TECRL: variants seen among roughly 807,000 people sequenced by gnomAD.
The protein encoded by TECRL is trans-2,3-enoyl-CoA reductase like.
In TECRL, 63 loss-of-function variants were observed where a neutral mutation model predicts 52.8. The ratio of observed to expected loss-of-function variants is 1.19; its 90% CI spans 0.97 to 1.47. The LOEUF (loss-of-function observed/expected upper bound fraction) is 1.47. Ranked by LOEUF, TECRL falls within the 40% of genes most tolerant of loss-of-function variation. TECRL has a pLI of 0.00. For synonymous variants in TECRL, 164 were observed against 141.9 expected, an observed-to-expected ratio of 1.16 and a Z score of -1.10; for missense variants, 482 against 429.6, an observed-to-expected ratio of 1.12 and a Z score of -1.08.
At chr4:64,388,930 A>G (rs548049215) in intron 1 of TECRL, among the ~76,000 whole-genome samples, 4 of 151,986 alleles carry the variant, frequency 2.6e-5, no homozygotes, top group African/African-American at 9.6e-5. Context: ...TGACTTTCAT[A>G]TATTAACCTT....
At chr4:64,304,321 A>C (rs921054269) in intron 7 of TECRL, among the ~76,000 whole-genome samples, 1 of 152,014 alleles carries the variant, frequency 6.6e-6, no homozygotes, top group Non-Finnish European at 1.5e-5. Flanking sequence ...TAATCATTAA[A>C]ATCAATGACT....
intron 2 of TECRL, among the ~76,000 whole-genome samples, chr4:64,352,719 T>C (rs550734968): frequency 1.1e-4 from 17 of 152,304 alleles, no homozygotes; most frequent in African/African-American, 4.1e-4. Context: ...TATCCAAACA[T>C]TCACACACAC....
chr4:64,300,200 T>A (rs1185009818), intron 7 of TECRL, among the ~76,000 whole-genome samples, 183 bp from the exon 8 acceptor site: 1 of 150,606 alleles, frequency 6.6e-6, no homozygotes, highest in East Asian at 1.9e-4. Context: ...TTTTCACATG[T>A]ACTTTTGTTA....
At chr4:64,293,297 A>T (rs1723495293) in intron 8 of TECRL, among the ~76,000 whole-genome samples, 1 of 152,114 alleles carries the variant, frequency 6.6e-6, no homozygotes, top group Non-Finnish European at 1.5e-5. Flanking sequence ...TGACCTATTA[A>T]TTTTATTTTT....
chr4:64,383,668 TTG>T lies in TECRL; in HGVS notation c.235-8447_235-8446del, dbSNP rs1722971401. ...TGTTTTTCTGATTTATTTGTATTTT[TTG>T]TGCTCTTTTATGTCTCACTAAGCTT... On this transcript the variant is annotated intron_variant, in intron 1 of 11. Transcript: ENST00000381210. Among the ~76,000 whole-genome samples the T allele has an allele frequency of 2.6e-5, 4 of 152,230 alleles. No individual in the cohort carries two copies. The South Asian group carries it at 8.3e-4, about 32-fold the overall frequency.
At chr4:64,392,945 C>T (rs946018885) in intron 1 of TECRL, among the ~76,000 whole-genome samples, 4 of 151,926 alleles carry the variant, frequency 2.6e-5, no homozygotes, top group Non-Finnish European at 2.9e-5. Flanking sequence ...TCCAGCACCA[C>T]CTCATTCCTA....
chr4:64,396,451 G>C (rs887702043), intron 1 of TECRL, among the ~76,000 whole-genome samples: 2 of 151,884 alleles, frequency 1.3e-5, no homozygotes, highest in Non-Finnish European at 2.9e-5. Context: ...TCATATTCTT[G>C]TTGGTTATAT....
chr4:64,401,732 C>T (rs1384717), intron 1 of TECRL, among the ~76,000 whole-genome samples: 142,294 of 152,234 alleles, frequency 0.93, 67,171 homozygotes, highest in East Asian at 1. Flanking sequence ...TCTCTCTTGA[C>T]ATAGTCACCA....
At chr4:64,337,822 AG>A (rs1719223624) in intron 2 of TECRL, among the ~76,000 whole-genome samples, 1 of 152,212 alleles carries the variant, frequency 6.6e-6, no homozygotes, top group Non-Finnish European at 1.5e-5. Context: ...GCTCATGGAT[AG>A]GAAGAATCAA....
chr4:64,316,764 G>T (rs1024413395), intron 4 of TECRL, among the ~76,000 whole-genome samples: 26 of 152,236 alleles, frequency 1.7e-4, no homozygotes, highest in Middle Eastern at 3.4e-3. Context: ...TAAAGAGGCA[G>T]ATACACCTTT....
chr4:64,368,737 T>TA lies in TECRL; in HGVS notation c.286+6434dup, dbSNP rs575746383. 3.1e-3 allele frequency among the ~76,000 whole-genome samples: 466 copies of TA among 152,278 alleles called. 5 individuals are homozygous for TA. The highest frequency in any genetic ancestry group is 0.011 in the African/African-American group (442 of 41,564). ...TTATCATTTTTCTGGCTTTTTTTGT[T>TA]AAGAGTTCAGGGAATTCCACAGCCT... On this transcript the variant is annotated intron_variant, in intron 2 of 11. Coordinates refer to ENST00000381210, the MANE Select transcript of TECRL (RefSeq NM_001010874.5).
At chr4:64,318,745 A>G (rs1271253666) in intron 4 of TECRL, among the ~76,000 whole-genome samples, 2 of 152,026 alleles carry the variant, frequency 1.3e-5, no homozygotes, top group Admixed American at 1.3e-4. Context: ...AATAAAAGTT[A>G]ATAAGGACAT....
intron 4 of TECRL, among the ~76,000 whole-genome samples, chr4:64,315,265 T>G (rs1175920590): frequency 6.6e-6 from 1 of 152,160 alleles, no homozygotes; most frequent in Non-Finnish European, 1.5e-5. Context: ...TATTAGAAAT[T>G]TTATATTTTA....
intron 1 of TECRL, among the ~76,000 whole-genome samples, chr4:64,394,988 C>T (rs1183115705): frequency 1.3e-5 from 2 of 149,550 alleles, no homozygotes; most frequent in African/African-American, 2.5e-5. Flanking sequence ...TCTCAGCTCA[C>T]CACAACCTTT....
chr4:64,323,670 T>G (rs947448080), intron 3 of TECRL, among the ~76,000 whole-genome samples: 3 of 152,204 alleles, frequency 2.0e-5, no homozygotes, highest in African/African-American at 7.2e-5. Flanking sequence ...AAGGTGGTAC[T>G]GGTGAGAATG....
intron 9 of TECRL, among the ~76,000 whole-genome samples, chr4:64,285,592 C>G (rs966663512): frequency 6.6e-6 from 1 of 152,038 alleles, no homozygotes; most frequent in African/African-American, 2.4e-5. Context: ...AGAGCTGACA[C>G]AGGAACTGAT....
chr4:64,384,862 G>T (rs1396997268), intron 1 of TECRL, among the ~76,000 whole-genome samples: 2 of 152,164 alleles, frequency 1.3e-5, no homozygotes, highest in South Asian at 2.1e-4. Context: ...GGAAAAGGTG[G>T]TCCCAGCTTG....
At position 64,333,786 on chromosome 4, in the gene TECRL, C is replaced by T. The variant is rs539260470; in HGVS notation, c.287-5230G>A. 4.8e-5 allele frequency among the ~76,000 whole-genome samples: 6 copies of T among 124,732 alleles called. No homozygotes were observed. The East Asian group carries it at 1.0e-3, about 21-fold the overall frequency. The allele number at this position is 124,732 out of a possible 152,430, so 81.8% of individuals were successfully genotyped here. On this transcript the variant is annotated intron_variant, in intron 2 of 11. Coordinates refer to ENST00000381210, the MANE Select transcript of TECRL (RefSeq NM_001010874.5). ...CTGTAATCCCAGCACTTTGGGAGGC[C>T]GAGGCGGGTGGATCATGAGGTCAGG... is the stretch of plus-strand genomic sequence containing the variant.
rs3928549 is a variant in TECRL, at chr4:64,333,880, C to T, written c.287-5324G>A. 6.1e-3 allele frequency among the ~76,000 whole-genome samples: 847 copies of T among 138,400 alleles called. 93 individuals are homozygous for T. The highest frequency in any genetic ancestry group is 0.024 in the African/African-American group (801 of 33,902). The allele number at this position is 138,400 out of a possible 152,430, so 90.8% of individuals were successfully genotyped here. A position where few individuals can be genotyped will look rare whatever the true frequency, so the allele number is the denominator to read the frequency against. ...CTAAAAATACAAAAAAAAAATTAGC[C>T]GGGCGCGGTGGCGGGCGCCTGTAGT... On this transcript the variant is annotated intron_variant, in intron 2 of 11. Transcript: ENST00000381210.
Sources: allele counts gnomAD v4.1 joint callset (sites outside exome capture counted in the v4.1 genomes callset), GRCh38; gene constraint gnomAD v4.1.1; transcripts MANE v1.5; gene names NCBI Gene and HGNC (gene_info 2026-07-23, HGNC 2026-07-21).